L3MBTL3: variants seen among roughly 807,000 people sequenced by gnomAD.
L3MBTL3 encodes the protein lethal(3)malignant brain tumor-like protein 3.
In L3MBTL3, 27 loss-of-function variants were observed where a neutral mutation model predicts 102.3. That is an observed-to-expected ratio of 0.26 (90% CI 0.19 to 0.36). The LOEUF is 0.36. L3MBTL3 is among the 10% of genes least tolerant of loss of function. L3MBTL3 has a pLI of 1.00. For missense variants in L3MBTL3, 798 were observed against 955.3 expected (o/e 0.84, Z 2.17); for synonymous variants, 340 against 320.9 (o/e 1.06, Z -0.64).
chr6:130,096,182 C>A (rs1784354964), intron 18 of L3MBTL3, among the ~76,000 whole-genome samples: 2 of 152,126 alleles, frequency 1.3e-5, no homozygotes, highest in African/African-American at 4.8e-5. Context: ...TACTTCCCAA[C>A]TGGGGAGAAG....
rs145178293 is a variant in L3MBTL3, at chr6:130,104,496, G to C, written c.1807G>C (p.Glu603Gln). 13 of 1,601,084 alleles carry C rather than the reference G, an allele frequency of 8.1e-6. No homozygotes were observed. The African/African-American group carries it at 1.5e-4, about 18-fold the overall frequency. ...DRIFPDRLSG[E>Q]MPPASPSFPR... ...TATTTTTCCAGACCGCTTAAGTGGT[G>C]AGATGCCTCCGGCTAGTCCGTCATT... The change falls in exon 19 of 23, where the codon GAG (glutamate) becomes CAG (glutamine). Residue 603 changes from glutamate (E) to glutamine (Q), a missense_variant. Around this residue, in one of 4 missense-constraint regions of L3MBTL3, gnomAD observed 306 missense variants for 314.4 expected, o/e 0.97. Coordinates refer to ENST00000361794, the MANE Select transcript of L3MBTL3 (RefSeq NM_032438.4).
At chr6:130,117,741 C>G (rs150187121) in intron 19 of L3MBTL3, among the ~76,000 whole-genome samples, 1 of 151,912 alleles carries the variant, frequency 6.6e-6, no homozygotes, top group Non-Finnish European at 1.5e-5. Flanking sequence ...ACTTTGTCAC[C>G]GAGGCTGAAG....
At chr6:130,064,082 A>C (rs1463380085) in intron 10 of L3MBTL3, among the ~76,000 whole-genome samples, 6 of 152,170 alleles carry the variant, frequency 3.9e-5, no homozygotes, top group Admixed American at 3.9e-4. Context: ...GCGGTATGTC[A>C]TTTTTTCCTT....
chr6:130,069,022 A>G (rs1229164969), intron 12 of L3MBTL3, among the ~76,000 whole-genome samples: 4 of 152,242 alleles, frequency 2.6e-5, no homozygotes, highest in Non-Finnish European at 5.9e-5. Context: ...CCAAAATGCC[A>G]TCTTTACAGA....
At chr6:130,083,406 T>C (rs561037686) in intron 14 of L3MBTL3, among the ~76,000 whole-genome samples, 4 of 151,848 alleles carry the variant, frequency 2.6e-5, no homozygotes, top group Non-Finnish European at 5.9e-5. Flanking sequence ...TATATATATC[T>C]ATAAAATTTT....
At chr6:130,116,171 A>C (rs1257305145) in intron 19 of L3MBTL3, among the ~76,000 whole-genome samples, 1 of 152,220 alleles carries the variant, frequency 6.6e-6, no homozygotes, top group African/African-American at 2.4e-5. Flanking sequence ...TTATCCTACA[A>C]TATAAGTAAT....
chr6:130,080,412 A>G (rs575143224), intron 14 of L3MBTL3, among the ~76,000 whole-genome samples: 3 of 152,270 alleles, frequency 2.0e-5, no homozygotes, highest in African/African-American at 4.8e-5. Flanking sequence ...CTTCTTTGCC[A>G]CTATCACCAT....
chr6:130,023,764 T>C (rs1350545576), intron 2 of L3MBTL3, among the ~76,000 whole-genome samples: 1 of 152,162 alleles, frequency 6.6e-6, no homozygotes, highest in Non-Finnish European at 1.5e-5. Context: ...GGGCTGGAGG[T>C]AGATTGTCTA....
At chr6:130,025,359 A>T (rs1248244535) in intron 2 of L3MBTL3, among the ~76,000 whole-genome samples, 1 of 152,176 alleles carries the variant, frequency 6.6e-6, no homozygotes, top group Non-Finnish European at 1.5e-5. Flanking sequence ...TACTGTATTA[A>T]ATTATTTCAT....
chr6:130,074,020 TA>T (rs1259264505), intron 13 of L3MBTL3, among the ~76,000 whole-genome samples: 2 of 152,214 alleles, frequency 1.3e-5, no homozygotes, highest in Non-Finnish European at 2.9e-5. Context: ...CCACTTTTAC[TA>T]AATATTATGC....
intron 13 of L3MBTL3, 150 bp from the exon 14 acceptor site, chr6:130,078,408 C>T (rs930521595): frequency 1.1e-5 from 6 of 529,108 alleles, no homozygotes; most frequent in African/African-American, 2.0e-5. Context: ...TTAAAAAGTT[C>T]TTTGGTTTAG....
intron 12 of L3MBTL3, among the ~76,000 whole-genome samples, chr6:130,068,898 C>T (rs977175509): frequency 1.3e-5 from 2 of 152,070 alleles, no homozygotes; most frequent in Admixed American, 6.6e-5. Flanking sequence ...TCTACTTGAC[C>T]GGTATTCCTG....
chr6:130,123,631 T>C (rs1030593056), intron 20 of L3MBTL3, among the ~76,000 whole-genome samples: 3 of 152,220 alleles, frequency 2.0e-5, no homozygotes, highest in African/African-American at 7.2e-5. Context: ...AGTGAAAATA[T>C]GTTACGATTC....
At chr6:130,034,174 C>G (rs1344540736) in intron 2 of L3MBTL3, among the ~76,000 whole-genome samples, 1 of 152,082 alleles carries the variant, frequency 6.6e-6, no homozygotes, top group Non-Finnish European at 1.5e-5. Context: ...CAGATAGGAG[C>G]AAAGAAGTTG....
chr6:130,048,511 A>C (rs1421145767), intron 3 of L3MBTL3, among the ~76,000 whole-genome samples: 2 of 152,190 alleles, frequency 1.3e-5, no homozygotes, highest in Non-Finnish European at 2.9e-5. Flanking sequence ...CTTTATTTGA[A>C]GTGTGCTGTC....
At chr6:130,040,317 G>A (rs192692514) in intron 2 of L3MBTL3, among the ~76,000 whole-genome samples, 17 of 147,610 alleles carry the variant, frequency 1.2e-4, no homozygotes, top group Admixed American at 5.4e-4. Context: ...GACGACAACA[G>A]CGAAACTCTG....
intron 13 of L3MBTL3, 38 bp from the exon 14 acceptor site, chr6:130,078,520 C>T: frequency 7.2e-7 from 1 of 1,394,962 alleles, no homozygotes; most frequent in Non-Finnish European, 1.0e-6. Context: ...GTGAGTTTAT[C>T]CTGATAATTG....
chr6:130,136,937 C>T (rs1341669433), intron 22 of L3MBTL3, among the ~76,000 whole-genome samples: 1 of 152,178 alleles, frequency 6.6e-6, no homozygotes, highest in Non-Finnish European at 1.5e-5. Flanking sequence ...CACTTTCTAA[C>T]TTACTAATTA....
At chr6:130,129,278 T>G (rs1337386277) in intron 20 of L3MBTL3, among the ~76,000 whole-genome samples, 3 of 152,218 alleles carry the variant, frequency 2.0e-5, no homozygotes, top group Non-Finnish European at 2.9e-5. Context: ...CTGAGAAAAT[T>G]TTTTAAAAGT....
Sources: gnomAD v4.1 joint callset for allele counts (sites outside exome capture counted in the v4.1 genomes callset) on GRCh38, gnomAD v4.1.1 for gene constraint, gnomAD v4.1.1 regional missense constraint, MANE v1.5 for transcripts, NCBI Gene and HGNC (gene_info 2026-07-23, HGNC 2026-07-21) for gene names.